EEA1: variants seen among roughly 807,000 people sequenced by gnomAD.
The protein encoded by EEA1 is early endosome antigen 1, 162kD.
Under a neutral mutation model 209.2 loss-of-function variants are expected in EEA1, and 111 were observed. The ratio of observed to expected loss-of-function variants is 0.53; its 90% CI spans 0.45 to 0.62. The LOEUF (loss-of-function observed/expected upper bound fraction) is 0.62. EEA1 is among the 20% of genes least tolerant of loss of function. The pLI, the probability that EEA1 is intolerant of heterozygous loss-of-function variation, is 0.00. For synonymous variants in EEA1, 536 were observed against 540.6 expected, an observed-to-expected ratio of 0.99 and a Z score of 0.12; for missense variants, 1,343 against 1,530.8, an observed-to-expected ratio of 0.88 and a Z score of 2.05.
At position 92,802,609 on chromosome 12, in the gene EEA1, TCTTGA is replaced by T; in HGVS notation, c.2460_2464del (p.Ser820ArgfsTer7). ...CAATTCCTCATGCTGAATCTTTGTT[TCTTGA>T]CTTAAAGTTTCAAAATCTTGTTTCA... On this transcript the variant is annotated frameshift_variant, in exon 19 of 29. Transcript: ENST00000322349. LOFTEE classifies it high-confidence loss of function. The T allele has an allele frequency of 6.2e-7, 1 of 1,604,288 alleles. No individual in the cohort carries two copies. Among genetic ancestry groups the T allele is most frequent in the Non-Finnish European group, 8.5e-7 (1 of 1,177,240 alleles).
rs1873404645 is a variant in EEA1 at position 92,770,935 on chromosome 12, CTTAACT to C, written c.*5070_*5075del. On this transcript the variant is annotated 3_prime_UTR_variant, in exon 29 of 29. Transcript: ENST00000322349. ...CATAGACATAGTAAGGTATCTGTCT[CTTAACT>C]TTATTTTTTGAAGAATGATGGTGTT... 6.6e-6 allele frequency: 1 copy of C among 151,764 alleles called. No individual in the cohort carries two copies. Among genetic ancestry groups the C allele is most frequent in the Non-Finnish European group, 1.5e-5 (1 of 67,960 alleles). The allele number at this position is 151,764 out of a possible 1,614,324, so 9.4% of individuals were successfully genotyped here. A position where few individuals can be genotyped will look rare whatever the true frequency, so the allele number is the denominator to read the frequency against.
At chr12:92,858,655 G>A (rs1877994312) in intron 3 of EEA1, 6 of 736,902 alleles carry the variant, frequency 8.1e-6, no homozygotes, top group Admixed American at 5.2e-5. Flanking sequence ...CTATATGCAG[G>A]ATTGAGGTGC....
At chr12:92,852,396 T>A in intron 7 of EEA1, 100 bp from the exon 8 acceptor site, 1 of 697,896 alleles carries the variant, frequency 1.4e-6, no homozygotes, top group Non-Finnish European at 2.1e-6. Context: ...CTAATTCAAA[T>A]TCACATTCCT....
At position 92,900,193 on chromosome 12, in the gene EEA1, T is replaced by C. The variant is rs1014506769; in HGVS notation, c.25-8472A>G. 3.3e-5 allele frequency among the ~76,000 whole-genome samples: 5 copies of C among 152,326 alleles called. No homozygotes were observed. The East Asian group carries it at 9.6e-4, about 29-fold the overall frequency. On this transcript the variant is annotated intron_variant, in intron 1 of 28. Transcript: ENST00000322349. ...AGCACCCTGACTGTTTCCAATGACG[T>C]ATCCTTAGCTATCACTGATACAGGA...
intron 2 of EEA1, chr12:92,884,656 T>C (rs1879304541): frequency 7.8e-7 from 1 of 1,275,758 alleles, no homozygotes; most frequent in Admixed American, 1.7e-5. Flanking sequence ...AAGGTGGCTA[T>C]GGTGGTTCCA....
chr12:92,928,312 T>G (rs1417477256), intron 1 of EEA1, among the ~76,000 whole-genome samples: 1 of 152,226 alleles, frequency 6.6e-6, no homozygotes, highest in Admixed American at 6.5e-5. Flanking sequence ...TTTCCAGATT[T>G]CAGAGACAGC....
In EEA1 at chr12:92,783,091, A is replaced by G. The variant is rs78759883; in HGVS notation, c.3151-956T>C. Among the ~76,000 whole-genome samples the G allele has an allele frequency of 3.6e-3, 552 of 152,328 alleles. 2 individuals carry two copies. The highest frequency in any genetic ancestry group is 0.013 in the African/African-American group (530 of 41,576). On this transcript the variant is annotated intron_variant, in intron 22 of 28. Coordinates refer to ENST00000322349, the MANE Select transcript of EEA1 (RefSeq NM_003566.4). ...TTTCCCTGAGTTCTGTGAGCTGTTC[A>G]GCAAACTAACTGAACCCAAAGAGGG...
At chr12:92,853,567 T>C (rs529246008) in intron 6 of EEA1, among the ~76,000 whole-genome samples, 2 of 152,332 alleles carry the variant, frequency 1.3e-5, no homozygotes, top group South Asian at 4.1e-4. Flanking sequence ...TTTTAATTCA[T>C]TAAAGTATGC....
chr12:92,813,126 ATTT>A, intron 15 of EEA1, 33 bp from the exon 16 acceptor site: 1 of 1,397,046 alleles, frequency 7.2e-7, no homozygotes, highest in East Asian at 2.4e-5. Context: ...TTTAATTTAT[ATTT>A]AGTTCTTGAT....
intron 2 of EEA1, chr12:92,884,408 G>A: frequency 7.7e-7 from 1 of 1,296,066 alleles, no homozygotes; most frequent in Non-Finnish European, 1.1e-6. Context: ...TGGCAGGAAT[G>A]ACAACACTGG....
chr12:92,794,956 T>A (rs911295624), intron 21 of EEA1, among the ~76,000 whole-genome samples: 1 of 152,146 alleles, frequency 6.6e-6, no homozygotes, highest in African/African-American at 2.4e-5. Flanking sequence ...TTATCCTTGA[T>A]CCTCTTCCTA....
chr12:92,833,747 T>C lies in EEA1; in HGVS notation c.916-897A>G, dbSNP rs550340298. Among the ~76,000 whole-genome samples the C allele has an allele frequency of 1.2e-3, 180 of 152,292 alleles. 2 individuals carry two copies. The highest frequency in any genetic ancestry group is 2.2e-3 in the Non-Finnish European group (149 of 68,014). On this transcript the variant is annotated intron_variant, in intron 10 of 28. Coordinates refer to ENST00000322349, the MANE Select transcript of EEA1 (RefSeq NM_003566.4). ...TAGGAAAGAACAATCAAAGCCTTCA[T>C]GCTTTAAACAAAATATACTCTAAAT...
intron 16 of EEA1, among the ~76,000 whole-genome samples, chr12:92,811,958 C>T (rs1875537733): frequency 6.6e-6 from 1 of 152,022 alleles, no homozygotes; most frequent in Non-Finnish European, 1.5e-5. Flanking sequence ...TTCAAATGGG[C>T]TTTTCATAAA....
In EEA1 at chr12:92,817,830, G is replaced by A. The variant is rs376242028; in HGVS notation, c.1729-1430C>T. Among the ~76,000 whole-genome samples the A allele has an allele frequency of 5.9e-5, 9 of 152,018 alleles. No individual in the cohort carries two copies. In the East Asian group the frequency reaches 1.4e-3, roughly 23 times the overall value. On this transcript the variant is annotated intron_variant, in intron 14 of 28. Transcript: ENST00000322349. ...CCTTTTAAGGTCTTTTTTACACTTC[G>A]TAAGGTCAGGTGTATGGCAGCTTTT...
chr12:92,862,624 T>A (rs369119720), intron 3 of EEA1, among the ~76,000 whole-genome samples: 2 of 151,322 alleles, frequency 1.3e-5, no homozygotes, highest in African/African-American at 4.9e-5. Flanking sequence ...CTGGCAGCAA[T>A]ATGGAGAATT....
intron 11 of EEA1, among the ~76,000 whole-genome samples, chr12:92,828,319 C>T (rs1340746533): frequency 6.6e-6 from 1 of 151,998 alleles, no homozygotes; most frequent in African/African-American, 2.4e-5. Context: ...TCTCTTAAAA[C>T]AAATGCAGGT....
intron 22 of EEA1, among the ~76,000 whole-genome samples, chr12:92,785,193 T>G (rs1874077395): frequency 6.6e-6 from 1 of 152,176 alleles, no homozygotes; most frequent in Admixed American, 6.6e-5. Flanking sequence ...TACCTCTACC[T>G]TTCCTGGACA....
intron 28 of EEA1, 139 bp downstream of exon 28, chr12:92,776,705 T>C (rs1183922351): frequency 2.7e-6 from 2 of 750,352 alleles, no homozygotes; most frequent in East Asian, 2.7e-5. Context: ...CTGCATGAAG[T>C]TATTCTATGT....
chr12:92,883,943 T>C, intron 2 of EEA1: 1 of 1,513,548 alleles, frequency 6.6e-7, no homozygotes, highest in Non-Finnish European at 9.1e-7. Flanking sequence ...TCCAGGGGCT[T>C]TGGGTTCATC....
Sources: allele counts gnomAD v4.1 joint callset (sites outside exome capture counted in the v4.1 genomes callset), GRCh38; gene constraint gnomAD v4.1.1; transcripts MANE v1.5; gene names NCBI Gene and HGNC (gene_info 2026-07-23, HGNC 2026-07-21).